ERN2: variants seen among roughly 807,000 people sequenced by gnomAD.
The protein encoded by ERN2 is serine/threonine-protein kinase/endoribonuclease IRE2.
ERN2 carries 111 observed loss-of-function variants against 107.9 expected under a neutral mutation model. The ratio of observed to expected loss-of-function variants is 1.03; its 90% CI spans 0.88 to 1.20. The LOEUF is 1.20. ERN2 is among the 50% of genes most tolerant of loss of function. ERN2 has a pLI of 0.00. For missense variants in ERN2, 1,225 were observed against 1,197.9 expected (o/e 1.02, Z -0.33); for synonymous variants, 524 against 501.7 (o/e 1.04, Z -0.59).
intron 6 of ERN2, 64 bp from the exon 7 acceptor site, chr16:23,706,495 C>A: frequency 7.9e-7 from 1 of 1,264,764 alleles, no homozygotes; most frequent in Non-Finnish European, 1.1e-6. Context: ...ACCCCAGGGG[C>A]CATTTATCTT....
At chr16:23,707,798 T>C (rs1226896572) in intron 4 of ERN2, among the ~76,000 whole-genome samples, 1 of 151,842 alleles carries the variant, frequency 6.6e-6, no homozygotes, top group African/African-American at 2.4e-5. Flanking sequence ...CCAAAACAAC[T>C]CACATGAATA....
Position 23,692,233 on chromosome 16 carries a change from G to C in ERN2, c.2199C>G (p.Asn733Lys). ...CCAGACAGGGAGCCCCTGTGAGGAT[G>C]TTTGCCTGGCGATAAAGACTGTCTC... The part of the protein sequence containing the change: ...PFGDSLYRQA[N>K]ILTGAPCLAH... Residue 733 changes from asparagine to lysine, a missense_variant, in exon 18 of 22, where the codon AAC becomes AAG. Transcript: ENST00000256797. 1 of 1,614,176 alleles carries C rather than the reference G, an allele frequency of 6.2e-7. No individual in the cohort carries two copies. The highest frequency in any genetic ancestry group is 8.5e-7 in the Non-Finnish European group (1 of 1,180,032).
In ERN2 at chr16:23,695,254, C is replaced by G. The variant is rs61744206; in HGVS notation, c.1746G>C (p.Arg582=). 4 of 1,614,116 alleles carry G rather than the reference C, an allele frequency of 2.5e-6. No individual in the cohort carries two copies. In the East Asian group the frequency reaches 8.9e-5, roughly 36 times the overall value. Residue 582 remains arginine (R), a synonymous_variant, in exon 15 of 22, where the codon CGG becomes CGC. Coordinates refer to ENST00000256797, the MANE Select transcript of ERN2 (RefSeq NM_033266.4). The stretch of plus-strand genomic sequence containing the variant: ...GGGCAATGTAGTGGAACTGGGGTCC[C>G]CGCTCGGTGCAGAAGTAGCGGAGCA... ...PNVLRYFCTE[R]GPQFHYIALE...
intron 13 of ERN2, 41 bp from the exon 14 acceptor site, chr16:23,696,019 A>C (rs757680712): frequency 6.6e-7 from 1 of 1,504,020 alleles, no homozygotes; most frequent in Non-Finnish European, 9.2e-7. Context: ...GCCTCTGCCC[A>C]CCTTTGCCGG....
rs751925432 is a variant in ERN2, at chr16:23,692,286, CGTA to C, written c.2143_2145del (p.Tyr715del). The C allele has an allele frequency of 6.2e-7, 1 of 1,614,080 alleles. No individual in the cohort carries two copies. The highest frequency in any genetic ancestry group is 8.5e-7 in the Non-Finnish European group (1 of 1,180,046). ...AAGGGGTGGCTGCCACCAGAAAGCACGTAGTAGAACACGCAGCCTGCAGAGAAG... is the reference window on the plus strand; with the variant it reads ...AAGGGGTGGCTGCCACCAGAAAGCACGTAGAACACGCAGCCTGCAGAGAAG... On this transcript the variant is annotated inframe_deletion, in exon 18 of 22. Transcript: ENST00000256797.
chr16:23,695,745 A>T (rs1332724061), intron 14 of ERN2, 149 bp downstream of exon 14: 1 of 593,372 alleles, frequency 1.7e-6, no homozygotes, highest in African/African-American at 1.9e-5. Context: ...AAAAAAAAAA[A>T]AACAGATAAA....
At position 23,710,227 on chromosome 16, in the gene ERN2, T is replaced by A; in HGVS notation, c.251A>T (p.Asp84Val). Reference protein sequence around the residue: ...MYVTEMAFLSDPADGSLYILG... With the variant: ...MYVTEMAFLSVPADGSLYILG... ...GATGTACAGGCTGCCATCTGCTGGG[T>A]CAGAGAGAAAGGCCATTCTGTGGAG... The change falls in exon 4 of 22, where the codon GAC (aspartate) becomes GTC (valine). Residue 84 changes from aspartate (D) to valine (V), a missense_variant. Coordinates refer to ENST00000256797, the MANE Select transcript of ERN2 (RefSeq NM_033266.4). 2 of 1,613,936 alleles carry A rather than the reference T, an allele frequency of 1.2e-6. No homozygotes were observed. The highest frequency in any genetic ancestry group is 3.3e-4 in the Middle Eastern group (2 of 6,060).
At chr16:23,712,980 T>A (rs944877709) in intron 1 of ERN2, 115 bp downstream of exon 1, 7 of 776,134 alleles carry the variant, frequency 9.0e-6, no homozygotes, top group Non-Finnish European at 1.4e-5. Context: ...CACCCAGGCG[T>A]GAGGGAGGGA....
chr16:23,701,734 A>G (rs528735151), intron 11 of ERN2, among the ~76,000 whole-genome samples: 1 of 151,714 alleles, frequency 6.6e-6, no homozygotes, highest in African/African-American at 2.4e-5. Flanking sequence ...GGCTCGAGCA[A>G]TCCTCCCACG....
chr16:23,690,618 C>A lies in ERN2; in HGVS notation c.*213G>T. On this transcript the variant is annotated 3_prime_UTR_variant, in exon 22 of 22. Transcript: ENST00000256797. ...TACAGGCGTGCGCCACCATGCCTGG[C>A]TAATTTTACAAATTTTTTGTAGAAA... 3.4e-6 allele frequency: 2 copies of A among 582,218 alleles called. No individual in the cohort carries two copies. Among genetic ancestry groups the A allele is most frequent in the South Asian group, 2.0e-5 (1 of 49,864 alleles). The allele number at this position is 582,218 out of a possible 1,614,324, so 36.1% of individuals were successfully genotyped here.
chr16:23,696,725 C>G (rs1010005784), intron 13 of ERN2: 1 of 152,204 alleles, frequency 6.6e-6, no homozygotes, highest in African/African-American at 2.4e-5. Context: ...CTGACCCTGG[C>G]AAATCTGGGC....
intron 3 of ERN2, 41 bp from the exon 4 acceptor site, chr16:23,710,285 C>A (rs745447221): frequency 5.2e-6 from 8 of 1,531,626 alleles, no homozygotes; most frequent in Non-Finnish European, 7.2e-6. Flanking sequence ...TGGGTTCTTG[C>A]CCCCTGGTTT....
At chr16:23,707,287 C>T (rs1960359067) in intron 4 of ERN2, 1 of 575,040 alleles carries the variant, frequency 1.7e-6, no homozygotes. Context: ...TGAACCCAGG[C>T]AGTCAGGCTC....
Position 23,694,780 on chromosome 16 carries a change from G to A in ERN2, c.2048C>T (p.Thr683Met), listed in dbSNP as rs1183175453. The A allele has an allele frequency of 1.9e-6, 3 of 1,612,954 alleles. No individual in the cohort carries two copies. The Admixed American group carries it at 5.0e-5, about 27-fold the overall frequency. ...SFSLHSGIPG[T>M]EGWMAPELLQ... ...AAGCTCGGGCGCCATCCAGCCTTCCGTGCCGGGGATGCCGGAGTGGAGGCT... is the reference window on the plus strand; with the variant it reads ...AAGCTCGGGCGCCATCCAGCCTTCCATGCCGGGGATGCCGGAGTGGAGGCT... The change falls in exon 17 of 22, where the codon ACG (threonine) becomes ATG (methionine). Residue 683 changes from threonine to methionine, a missense_variant. Transcript: ENST00000256797.
intron 17 of ERN2, among the ~76,000 whole-genome samples, chr16:23,694,091 G>C (rs1277351991): frequency 1.3e-5 from 2 of 152,094 alleles, no homozygotes; most frequent in Non-Finnish European, 2.9e-5. Context: ...CACCTCCCAG[G>C]CTCAAGCGAT....
chr16:23,693,845 T>C (rs1053382443), intron 17 of ERN2, among the ~76,000 whole-genome samples: 5 of 152,074 alleles, frequency 3.3e-5, no homozygotes, highest in Admixed American at 1.3e-4. Flanking sequence ...TCTGTGTGGG[T>C]CAGACGCTGC....
chr16:23,713,150 C>G lies in ERN2; in HGVS notation c.38G>C (p.Arg13Pro). Residue 13 changes from arginine to proline, a missense_variant, in exon 1 of 22, where the codon CGG becomes CCG. Physicochemically the swap from Arg to Pro is moderately radical, Grantham distance 103. Transcript: ENST00000256797. ...SAVRGSRPWP[R>P]LGLQLQFAAL... ...CGCGAACTGGAGCTGGAGCCCCAGC[C>G]GGGGCCACGGCCTCGACCCCCTGAC... The G allele has an allele frequency of 1.3e-6, 2 of 1,574,000 alleles. No individual in the cohort carries two copies. The highest frequency in any genetic ancestry group is 1.7e-6 in the Non-Finnish European group (2 of 1,165,768).
In ERN2 at chr16:23,704,954, G is replaced by A; in HGVS notation, c.783C>T (p.Gly261=). Residue 261 remains glycine, a synonymous_variant, in exon 8 of 22, where the codon GGC becomes GGT. Transcript: ENST00000256797. ...DTLHFLALRW[G]HIRLPASGPR... is the part of the protein sequence containing the mutation. The stretch of plus-strand genomic sequence containing the variant: ...GGCCTGAGGCAGGCAGTCGGATGTG[G>A]CCCCAGCGGAGGGCGAGGAAATGCA... The A allele has an allele frequency of 6.2e-7, 1 of 1,613,838 alleles. No individual in the cohort carries two copies.
intron 4 of ERN2, 131 bp downstream of exon 4, chr16:23,710,041 A>G: frequency 1.5e-6 from 1 of 659,270 alleles, no homozygotes; most frequent in Non-Finnish European, 2.7e-6. Context: ...GCCTTCTCAC[A>G]ATGTGCTGAG....
Sources: gnomAD v4.1 joint callset for allele counts (sites outside exome capture counted in the v4.1 genomes callset) on GRCh38, gnomAD v4.1.1 for gene constraint, MANE v1.5 for transcripts, NCBI Gene and HGNC (gene_info 2026-07-23, HGNC 2026-07-21) for gene names.